Variants in CDC14A observed in about 807,000 individuals in gnomAD.
The protein encoded by CDC14A is dual specificity protein phosphatase CDC14A.
Under a neutral mutation model 74.4 loss-of-function variants are expected in CDC14A, and 53 were observed. The observed-to-expected ratio is 0.71, with a 90% CI of 0.57 to 0.89. The LOEUF (loss-of-function observed/expected upper bound fraction) is 0.89. CDC14A is among the 40% of genes least tolerant of loss of function. The pLI, the probability that CDC14A is intolerant of heterozygous loss-of-function variation, is 0.00. For synonymous variants in CDC14A, 247 were observed against 258.4 expected, an observed-to-expected ratio of 0.96 and a Z score of 0.43; for missense variants, 646 against 713.7, an observed-to-expected ratio of 0.91 and a Z score of 1.08.
intron 10 of CDC14A, among the ~76,000 whole-genome samples, chr1:100,478,477 T>C (rs935808671): frequency 6.6e-6 from 1 of 152,188 alleles, no homozygotes; most frequent in Non-Finnish European, 1.5e-5. Flanking sequence ...CTGTTAAAGC[T>C]TTCATTCATT....
At chr1:100,361,834 C>T (rs1437850804) in intron 2 of CDC14A, among the ~76,000 whole-genome samples, 2 of 152,034 alleles carry the variant, frequency 1.3e-5, no homozygotes, top group Admixed American at 6.6e-5. Flanking sequence ...TACTTTAGGA[C>T]GAGTGCTGCC....
At position 100,508,352 on chromosome 1, in the gene CDC14A, AT is replaced by A. The variant is rs1436292282; in HGVS notation, c.1755+9092del. ...ATCTCAGGTGATAAGCCATTTTGATATTGCTTTGCTATTTGCATTTCATCCT... is the reference window on the plus strand; with the variant it reads ...ATCTCAGGTGATAAGCCATTTTGATATGCTTTGCTATTTGCATTTCATCCT... On this transcript the variant is annotated intron_variant, in intron 15 of 15. Transcript: ENST00000336454. This position sits in a 1 kb window ranked among gnomAD's most constrained non-coding sequence, Gnocchi z 4.4. Among the ~76,000 whole-genome samples, 2 of 151,676 alleles carry A rather than the reference AT, an allele frequency of 1.3e-5. No homozygotes were observed. Among genetic ancestry groups the A allele is most frequent in the Non-Finnish European group, 2.9e-5 (2 of 67,948 alleles).
At chr1:100,496,212 C>T (rs779632571) in intron 13 of CDC14A, among the ~76,000 whole-genome samples, 163 bp downstream of exon 13, 36 of 118,462 alleles carry the variant, frequency 3.0e-4, no homozygotes, top group Non-Finnish European at 3.1e-4. Flanking sequence ...TTAATGCTCA[C>T]CATGAAAAGG....
At chr1:100,479,091 T>C (rs1017396735) in intron 10 of CDC14A, among the ~76,000 whole-genome samples, 1 of 152,200 alleles carries the variant, frequency 6.6e-6, no homozygotes, top group Non-Finnish European at 1.5e-5. Context: ...TTCGTAAGTT[T>C]CACAATTGGA....
At chr1:100,362,675 T>C (rs962972994) in intron 2 of CDC14A, among the ~76,000 whole-genome samples, 2 of 152,234 alleles carry the variant, frequency 1.3e-5, no homozygotes, top group African/African-American at 4.8e-5. Context: ...AATATATTGG[T>C]TTGTTTTAAT....
chr1:100,372,416 C>T (rs1251812615), intron 2 of CDC14A, among the ~76,000 whole-genome samples: 1 of 152,202 alleles, frequency 6.6e-6, no homozygotes, highest in African/African-American at 2.4e-5. Flanking sequence ...TCCTCTCAAA[C>T]CCTGGGGCTA....
intron 3 of CDC14A, among the ~76,000 whole-genome samples, chr1:100,379,081 TATTATA>T (rs879533832): frequency 2.0e-5 from 3 of 152,200 alleles, no homozygotes; most frequent in Non-Finnish European, 2.9e-5. Context: ...ATGAATTGGG[TATTATA>T]ATTAATCTGG....
At chr1:100,444,637 T>A (rs1665329608) in intron 7 of CDC14A, among the ~76,000 whole-genome samples, 1 of 152,150 alleles carries the variant, frequency 6.6e-6, no homozygotes, top group Non-Finnish European at 1.5e-5. Context: ...CCTTTTAACC[T>A]CCCGCTCCTC....
At chr1:100,497,092 C>T (rs909493406) in intron 13 of CDC14A, among the ~76,000 whole-genome samples, 10 of 152,044 alleles carry the variant, frequency 6.6e-5, no homozygotes, top group African/African-American at 1.2e-4. Context: ...TATCAGATGA[C>T]GCAATATGGT....
intron 6 of CDC14A, among the ~76,000 whole-genome samples, chr1:100,441,913 C>G (rs1380428261): frequency 6.6e-6 from 1 of 152,082 alleles, no homozygotes; most frequent in African/African-American, 2.4e-5. Context: ...TGAAAAAACA[C>G]TGATAGATGT....
At chr1:100,491,585 T>TTA (rs1670699316) in intron 11 of CDC14A, among the ~76,000 whole-genome samples, 1 of 122,698 alleles carries the variant, frequency 8.2e-6, no homozygotes, top group Admixed American at 8.4e-5. Flanking sequence ...TTTTTTTTTT[T>TTA]TTTTTTTTTT....
chr1:100,365,548 G>A (rs892368342), intron 2 of CDC14A, among the ~76,000 whole-genome samples: 3 of 152,176 alleles, frequency 2.0e-5, no homozygotes, highest in Admixed American at 2.0e-4. Context: ...GAGAGGCTAC[G>A]ACACCAGATT....
Position 100,424,348 on chromosome 1 carries a change from G to C in CDC14A, c.389+47G>C, listed in dbSNP as rs780963310. 2.3e-6 allele frequency: 3 copies of C among 1,320,878 alleles called. No individual in the cohort carries two copies. The East Asian group carries it at 6.9e-5, about 30-fold the overall frequency. The allele number at this position is 1,320,878 out of a possible 1,614,324, so 81.8% of individuals were successfully genotyped here. A position where few individuals can be genotyped will look rare whatever the true frequency, so the allele number is the denominator to read the frequency against. On this transcript the variant is annotated intron_variant, in intron 5 of 15. Transcript: ENST00000336454. ...GGGTTAAACTTTTGCTACAGAGCTG[G>C]ACACTTTAGAGTTGGGTTGTAGTGT...
At chr1:100,516,255 T>A (rs1650215936) in intron 15 of CDC14A, among the ~76,000 whole-genome samples, 1 of 152,214 alleles carries the variant, frequency 6.6e-6, no homozygotes, top group Admixed American at 6.5e-5. Flanking sequence ...AATGAATATA[T>A]ATATGTGTGT....
At chr1:100,467,906 G>GTAGCAT (rs773897913) in intron 9 of CDC14A, 50 bp from the exon 10 acceptor site, 2 of 1,511,450 alleles carry the variant, frequency 1.3e-6, no homozygotes, top group East Asian at 4.9e-5. Context: ...TGTTTTTGTG[G>GTAGCAT]TAGCATTTGC....
intron 5 of CDC14A, among the ~76,000 whole-genome samples, chr1:100,439,264 GTTTTCTTTC>G (rs1664669002): frequency 6.6e-6 from 1 of 152,084 alleles, no homozygotes; most frequent in African/African-American, 2.4e-5. Flanking sequence ...ACATTTTCCT[GTTTTCTTTC>G]TTTTCTTTTC....
At chr1:100,492,177 T>C (rs949213412) in intron 11 of CDC14A, among the ~76,000 whole-genome samples, 1 of 152,212 alleles carries the variant, frequency 6.6e-6, no homozygotes, top group Non-Finnish European at 1.5e-5. Context: ...TGCAAAGTAA[T>C]TATAATTTAA....
At chr1:100,368,574 G>A (rs927741480) in intron 2 of CDC14A, among the ~76,000 whole-genome samples, 7 of 151,944 alleles carry the variant, frequency 4.6e-5, no homozygotes, top group African/African-American at 1.2e-4. Context: ...ATTTGATGAC[G>A]AATTCTTTTT....
At chr1:100,437,121 G>T (rs1185155926) in intron 5 of CDC14A, among the ~76,000 whole-genome samples, 2 of 152,172 alleles carry the variant, frequency 1.3e-5, no homozygotes, top group Non-Finnish European at 2.9e-5. Flanking sequence ...AGGAGGTGGA[G>T]GCTGCAGTGA....
Sources: gnomAD v4.1 joint callset for allele counts (sites outside exome capture counted in the v4.1 genomes callset) on GRCh38, gnomAD v4.1.1 for gene constraint, Gnocchi (gnomAD v3.1) non-coding constraint, MANE v1.5 for transcripts, NCBI Gene and HGNC (gene_info 2026-07-23, HGNC 2026-07-21) for gene names.